WDR82: variants seen among roughly 807,000 people sequenced by gnomAD.
The protein encoded by WDR82 is WD repeat-containing protein 82.
Under a neutral mutation model 36.1 loss-of-function variants are expected in WDR82, and 8 were observed. The observed-to-expected ratio is 0.22, with a 90% CI of 0.13 to 0.40. The LOEUF is 0.40. Among genes scored for constraint, WDR82 ranks in the 10% least tolerant of loss-of-function variants. The pLI, the probability that WDR82 is intolerant of heterozygous loss-of-function variation, is 1.00. For synonymous variants in WDR82, 129 were observed against 137.8 expected, an observed-to-expected ratio of 0.94 and a Z score of 0.45; for missense variants, 185 against 400.5, an observed-to-expected ratio of 0.46 and a Z score of 4.59.
In WDR82 at chr3:52,275,090, G is replaced by A. The variant is rs574107008; in HGVS notation, c.161+3111C>T. ...TACAAAATTAGCCAGGTGTGGTGGC[G>A]CATGCCTGTAATCCCAGCTACTCAG... On this transcript the variant is annotated intron_variant, in intron 1 of 8. Transcript: ENST00000296490. 3.9e-5 allele frequency among the ~76,000 whole-genome samples: 6 copies of A among 151,944 alleles called. No homozygotes were observed. In the South Asian group the frequency reaches 1.0e-3, roughly 26 times the overall value.
At chr3:52,263,093 A>C (rs1700074987) in intron 3 of WDR82, among the ~76,000 whole-genome samples, 1 of 152,362 alleles carries the variant, frequency 6.6e-6, no homozygotes, top group African/African-American at 2.4e-5. Context: ...ACACCACTGC[A>C]TTCCAGCCTG....
intron 3 of WDR82, among the ~76,000 whole-genome samples, chr3:52,264,429 C>A (rs1473086502): frequency 1.3e-5 from 2 of 152,062 alleles, no homozygotes. Context: ...AAAGCCCAAA[C>A]CAGTGGCTTT....
At chr3:52,261,921 C>T (rs1311562957) in intron 3 of WDR82, among the ~76,000 whole-genome samples, 1 of 152,154 alleles carries the variant, frequency 6.6e-6, no homozygotes, top group African/African-American at 2.4e-5. Flanking sequence ...CCCAAGATAA[C>T]TGAAAATATA....
Position 52,262,396 on chromosome 3 carries a change from A to C in WDR82, c.327-917T>G, listed in dbSNP as rs1578006242. Among the ~76,000 whole-genome samples the C allele has an allele frequency of 3.3e-5, 5 of 152,356 alleles. No homozygotes were observed. The East Asian group carries it at 9.6e-4, about 29-fold the overall frequency. On this transcript the variant is annotated intron_variant, in intron 3 of 8. Coordinates refer to ENST00000296490, the MANE Select transcript of WDR82 (RefSeq NM_025222.4). The stretch of plus-strand genomic sequence containing the variant: ...TAAAGGAATCATTTACAGTATGTAG[A>C]CTGTATCTCAATTAAAAAAACACAA...
chr3:52,259,588 G>A, intron 6 of WDR82, 129 bp downstream of exon 6: 1 of 1,188,476 alleles, frequency 8.4e-7, no homozygotes, highest in Non-Finnish European at 1.2e-6. Context: ...TGAGCAGGAA[G>A]AAAATACAAG....
chr3:52,270,872 A>C, intron 1 of WDR82, 63 bp from the exon 2 acceptor site: 26 of 1,272,704 alleles, frequency 2.0e-5, no homozygotes, highest in Non-Finnish European at 2.8e-5. Flanking sequence ...TGGGATCTCC[A>C]CATAAAGAGA....
intron 1 of WDR82, among the ~76,000 whole-genome samples, chr3:52,274,508 T>C (rs79929190): frequency 1.9e-3 from 288 of 152,160 alleles, no homozygotes; most frequent in African/African-American, 6.6e-3. Context: ...AAGGCTTTAG[T>C]GAACTATAAG....
chr3:52,278,160 G>A (rs2107346516), intron 1 of WDR82, 41 bp downstream of exon 1: 1 of 1,528,412 alleles, frequency 6.5e-7, no homozygotes, highest in Non-Finnish European at 8.8e-7. Context: ...CCACCGGAGG[G>A]AGGCACTGAG....
chr3:52,265,043 C>T (rs1700093035), intron 3 of WDR82, among the ~76,000 whole-genome samples: 2 of 151,776 alleles, frequency 1.3e-5, no homozygotes, highest in South Asian at 2.1e-4. Context: ...CAGCCGGGTG[C>T]GGTGGCTCAC....
At chr3:52,269,647 T>A (rs375941009) in intron 2 of WDR82, among the ~76,000 whole-genome samples, 1 of 152,238 alleles carries the variant, frequency 6.6e-6, no homozygotes, top group Admixed American at 6.5e-5. Flanking sequence ...GGAGAATTAC[T>A]TGAACCCGGG....
At chr3:52,267,246 T>C in intron 2 of WDR82, 1 of 359,454 alleles carries the variant, frequency 2.8e-6, no homozygotes, top group South Asian at 2.7e-5. Flanking sequence ...AAAGCAATGT[T>C]TGAAATGACC....
rs1347929275 is a variant in WDR82, at chr3:52,278,406, G to A, written c.-45C>T. 2.3e-6 allele frequency: 3 copies of A among 1,278,494 alleles called. No individual in the cohort carries two copies. Among genetic ancestry groups the A allele is most frequent in the Admixed American group, 4.3e-5 (1 of 23,460 alleles). 79.2% of individuals were successfully genotyped at this position (1,278,494 alleles called of 1,614,324 possible). ...AGCGGCGGCGCAGGGCCGGGGCGGG[G>A]CCCGGCGGCGAGCGGGCGGGCTGCC... On this transcript the variant is annotated 5_prime_UTR_variant, in exon 1 of 9. Transcript: ENST00000296490.
chr3:52,261,142 C>CA (rs1700057879), intron 4 of WDR82, among the ~76,000 whole-genome samples: 1 of 152,036 alleles, frequency 6.6e-6, no homozygotes, highest in African/African-American at 2.4e-5. Flanking sequence ...AAAACAAAAA[C>CA]AAAACAAAAC....
intron 1 of WDR82, among the ~76,000 whole-genome samples, chr3:52,273,807 T>G (rs546454831): frequency 6.6e-6 from 1 of 152,140 alleles, no homozygotes; most frequent in African/African-American, 2.4e-5. Flanking sequence ...TTTTTCTGTA[T>G]AGACAAGGTT....
intron 1 of WDR82, among the ~76,000 whole-genome samples, chr3:52,275,873 G>T (rs947124186): frequency 6.6e-6 from 1 of 152,140 alleles, no homozygotes; most frequent in Non-Finnish European, 1.5e-5. Context: ...GACTGAGCGA[G>T]ACTCCATCTC....
chr3:52,271,751 C>G (rs773779492), intron 1 of WDR82, among the ~76,000 whole-genome samples: 2 of 152,222 alleles, frequency 1.3e-5, no homozygotes, highest in Non-Finnish European at 2.9e-5. Flanking sequence ...CTAACTTTCT[C>G]TAGCAAAACC....
intron 2 of WDR82, among the ~76,000 whole-genome samples, chr3:52,268,674 T>A (rs551597569): frequency 6.7e-6 from 1 of 149,384 alleles, no homozygotes; most frequent in South Asian, 2.1e-4. Flanking sequence ...GCATGAAAAG[T>A]AGAAATGACA....
At chr3:52,259,134 T>C in intron 7 of WDR82, 63 bp downstream of exon 7, 2 of 1,445,254 alleles carry the variant, frequency 1.4e-6, no homozygotes, top group Non-Finnish European at 1.9e-6. Flanking sequence ...CAGTTAATAA[T>C]TTAAACAAAG....
intron 3 of WDR82, among the ~76,000 whole-genome samples, chr3:52,264,762 A>C (rs1700090683): frequency 1.3e-5 from 2 of 152,166 alleles, no homozygotes; most frequent in Admixed American, 6.5e-5. Context: ...CAAGGAAGAC[A>C]GAATTTAGGT....
Sources: allele counts gnomAD v4.1 joint callset (sites outside exome capture counted in the v4.1 genomes callset), GRCh38; gene constraint gnomAD v4.1.1; transcripts MANE v1.5; gene names NCBI Gene and HGNC (gene_info 2026-07-23, HGNC 2026-07-21).